NT5C3A: variants seen among roughly 807,000 people sequenced by gnomAD.
The protein encoded by NT5C3A is 5'-nucleotidase, cytosolic IIIA.
In NT5C3A, 23 loss-of-function variants were observed where a neutral mutation model predicts 40.0. That is an observed-to-expected ratio of 0.58 (90% CI 0.41 to 0.81). NT5C3A has a LOEUF of 0.81. NT5C3A is among the 40% of genes least tolerant of loss of function. The probability of loss-of-function intolerance (pLI) is 0.00; values close to 1 mark genes in which losing one functional copy is unlikely to be tolerated. For missense variants in NT5C3A, 328 were observed against 403.0 expected (o/e 0.81, Z 1.59); for synonymous variants, 130 against 141.4 (o/e 0.92, Z 0.57).
chr7:33,019,699 C>A lies in NT5C3A; in HGVS notation c.466G>T (p.Val156Phe). 3 of 1,606,672 alleles carry A rather than the reference C, an allele frequency of 1.9e-6. No homozygotes were observed. The highest frequency in any genetic ancestry group is 2.6e-6 in the Non-Finnish European group (3 of 1,174,924). ...TTAGCTTTTGGTAAAGCTTGCTGAA[C>A]AAGCAAACCATGTGATTTAGTATAC... ...EWYTKSHGLL[V>F]QQALPKAKLK... is the part of the protein sequence containing the mutation. Residue 156 changes from valine (V) to phenylalanine (F), a missense_variant, in exon 6 of 9, where the codon GTT becomes TTT. This residue lies in a region of NT5C3A where 280 missense variants were observed against 317.2 expected (regional missense o/e 0.88). Coordinates refer to ENST00000610140, the MANE Select transcript of NT5C3A (RefSeq NM_001002010.5).
intron 1 of NT5C3A, among the ~76,000 whole-genome samples, chr7:33,058,024 A>AT (rs1366907615): frequency 7.3e-5 from 11 of 151,018 alleles, no homozygotes; most frequent in African/African-American, 1.2e-4. Flanking sequence ...AAGCAATCTC[A>AT]TTTTTTTTTC....
At position 33,017,488 on chromosome 7, in the gene NT5C3A, T is replaced by C. The variant is rs746370585; in HGVS notation, c.644A>G (p.Tyr215Cys). 5 of 1,613,654 alleles carry C rather than the reference T, an allele frequency of 3.1e-6. No homozygotes were observed. In the South Asian group the frequency reaches 5.5e-5, roughly 18 times the overall value. Reference sequence around the variant, plus strand: ...GGACACAACTTTGACATTGGGATGATAAACACCAGCTTGACGAATAACTTC... The same window carrying C: ...GGACACAACTTTGACATTGGGATGACAAACACCAGCTTGACGAATAACTTC... ...LEEVIRQAGVYHPNVKVVSNF... is the reference protein window; with the variant it reads ...LEEVIRQAGVCHPNVKVVSNF... Residue 215 changes from tyrosine to cysteine, a missense_variant, in exon 7 of 9, where the codon TAT (tyrosine) becomes TGT (cysteine). By Grantham distance (194) the Tyr-to-Cys change is radical. This residue lies in a region of NT5C3A where 280 missense variants were observed against 317.2 expected (regional missense o/e 0.88). Coordinates refer to ENST00000610140, the MANE Select transcript of NT5C3A (RefSeq NM_001002010.5).
intron 1 of NT5C3A, among the ~76,000 whole-genome samples, chr7:33,032,304 C>T (rs1296231008): frequency 6.6e-6 from 1 of 151,158 alleles, no homozygotes; most frequent in Admixed American, 6.6e-5. Context: ...ACACCTGTAA[C>T]CCTGTTACTT....
At chr7:33,022,944 G>T (rs548440701) in intron 3 of NT5C3A, among the ~76,000 whole-genome samples, 1 of 151,056 alleles carries the variant, frequency 6.6e-6, no homozygotes, top group Non-Finnish European at 1.5e-5. Context: ...TCGAGACAGG[G>T]TCTTGTTTTG....
Position 33,014,593 on chromosome 7 carries a change from T to C in NT5C3A, c.*137A>G, listed in dbSNP as rs1041331623. The C allele has an allele frequency of 3.1e-6, 4 of 1,279,260 alleles. No individual in the cohort carries two copies. The highest frequency in any genetic ancestry group is 4.4e-6 in the Non-Finnish European group (4 of 917,056). The allele number at this position is 1,279,260 out of a possible 1,614,324, so 79.2% of individuals were successfully genotyped here. On this transcript the variant is annotated 3_prime_UTR_variant, in exon 9 of 9. Transcript: ENST00000610140. ...GAGCTTCCAGTCAATGCATTCACCA[T>C]ATCTGAAAATACTTCAGTTATACAA...
intron 1 of NT5C3A, among the ~76,000 whole-genome samples, chr7:33,062,081 T>C (rs1424277759): frequency 6.6e-6 from 1 of 152,098 alleles, no homozygotes; most frequent in Non-Finnish European, 1.5e-5. Flanking sequence ...ATTGCACATT[T>C]TCATAATCTA....
chr7:33,059,782 G>A (rs1881750), intron 1 of NT5C3A, among the ~76,000 whole-genome samples: 110,257 of 152,098 alleles, frequency 0.72, 40,229 homozygotes, highest in African/African-American at 0.79. Context: ...ATTTTATCTC[G>A]GAAATGTTTG....
chr7:33,019,492 T>C (rs986982938), intron 6 of NT5C3A, 143 bp downstream of exon 6: 2 of 679,280 alleles, frequency 2.9e-6, no homozygotes, highest in African/African-American at 1.8e-5. Context: ...CTTACCACTA[T>C]GTATTTTGTG....
chr7:33,029,548 G>C, intron 1 of NT5C3A: 1 of 697,002 alleles, frequency 1.4e-6, no homozygotes, highest in Non-Finnish European at 2.2e-6. Context: ...TATGGTGAAA[G>C]CAACACAGGA....
chr7:33,062,497 G>C, intron 1 of NT5C3A, 71 bp downstream of exon 1: 1 of 1,400,248 alleles, frequency 7.1e-7, no homozygotes, highest in Non-Finnish European at 1.0e-6. Context: ...GCCCAGCACA[G>C]GCTGCCGAGG....
chr7:33,039,247 T>C (rs1229730852), intron 1 of NT5C3A, among the ~76,000 whole-genome samples: 1 of 152,128 alleles, frequency 6.6e-6, no homozygotes, highest in Non-Finnish European at 1.5e-5. Context: ...TTAAAGCAAG[T>C]CTTAAAGTAC....
At chr7:33,027,311 C>CCT (rs745978692) in intron 1 of NT5C3A, among the ~76,000 whole-genome samples, 5 of 152,170 alleles carry the variant, frequency 3.3e-5, no homozygotes, top group Admixed American at 6.5e-5. Context: ...CTCAAGCAAT[C>CCT]CTCCCATCTT....
At chr7:33,054,384 C>A (rs1787488817) in intron 1 of NT5C3A, among the ~76,000 whole-genome samples, 1 of 151,612 alleles carries the variant, frequency 6.6e-6, no homozygotes, top group Admixed American at 6.6e-5. Flanking sequence ...TAATGTATTT[C>A]TCTGTTTTTC....
intron 1 of NT5C3A, among the ~76,000 whole-genome samples, chr7:33,048,176 TTGTGTGTG>T (rs10582278): frequency 5.4e-5 from 8 of 148,616 alleles, no homozygotes; most frequent in East Asian, 2.0e-4. Flanking sequence ...TACATTTGAT[TTGTGTGTG>T]TGTGTGTGTG....
rs1375291147 is a variant in NT5C3A at position 33,043,642 on chromosome 7, C to G, written c.139-16727G>C. ...GGTCTCTAAGGGTAGGTGGTTTGGG[C>G]TCTGCTGGTGTGTGTGCCTGTCCTG... On this transcript the variant is annotated intron_variant, in intron 1 of 8. Coordinates refer to ENST00000610140, the MANE Select transcript of NT5C3A (RefSeq NM_001002010.5). Among the ~76,000 whole-genome samples the G allele has an allele frequency of 2.0e-5, 3 of 152,164 alleles. No individual in the cohort carries two copies. The East Asian group carries it at 5.8e-4, about 29-fold the overall frequency.
At chr7:33,045,683 T>C (rs1413445074) in intron 1 of NT5C3A, 2 of 152,092 alleles carry the variant, frequency 1.3e-5, no homozygotes, top group Non-Finnish European at 2.9e-5. Context: ...GGTCTCGATC[T>C]CCTGACCTCA....
In NT5C3A at chr7:33,028,304, A is replaced by G. The variant is rs1786059360; in HGVS notation, c.139-1389T>C. Among the ~76,000 whole-genome samples the G allele has an allele frequency of 2.0e-5, 3 of 152,194 alleles. No individual in the cohort carries two copies. In the South Asian group the frequency reaches 6.2e-4, roughly 31 times the overall value. ...TGTAGGCTGCTACTACAGAGTTATG[A>G]AGACTTTAGGGTTGCTCAACAATTT... On this transcript the variant is annotated intron_variant, in intron 1 of 8. Coordinates refer to ENST00000610140, the MANE Select transcript of NT5C3A (RefSeq NM_001002010.5).
chr7:33,061,777 T>C (rs1186323394), intron 1 of NT5C3A, among the ~76,000 whole-genome samples: 1 of 152,198 alleles, frequency 6.6e-6, no homozygotes, highest in African/African-American at 2.4e-5. Flanking sequence ...AGGAAATACA[T>C]AAGCGTGCAA....
rs576139152 is a variant in NT5C3A, at chr7:33,023,782, T to C, written c.307+257A>G. 11 of 448,190 alleles carry C rather than the reference T, an allele frequency of 2.5e-5. No individual in the cohort carries two copies. The Admixed American group carries it at 2.9e-4, about 12-fold the overall frequency. 27.8% of individuals were successfully genotyped at this position (448,190 alleles called of 1,614,324 possible). A position where few individuals can be genotyped will look rare whatever the true frequency, so the allele number is the denominator to read the frequency against. ...ACAACCTATTTAAATATTTCTTGAA[T>C]AATGAATAGACCATATTTGGCAAGA... On this transcript the variant is annotated intron_variant, in intron 3 of 8. Coordinates refer to ENST00000610140, the MANE Select transcript of NT5C3A (RefSeq NM_001002010.5).
Sources: gnomAD v4.1 joint callset for allele counts (sites outside exome capture counted in the v4.1 genomes callset) on GRCh38, gnomAD v4.1.1 for gene constraint, gnomAD v4.1.1 regional missense constraint, MANE v1.5 for transcripts, NCBI Gene and HGNC (gene_info 2026-07-23, HGNC 2026-07-21) for gene names.